The following PTPRG variants were observed in gnomAD, a reference collection of about 807,000 sequenced individuals.
The protein encoded by PTPRG is protein tyrosine phosphatase receptor type G, also known as receptor-type tyrosine-protein phosphatase gamma.
A neutral mutation model predicts 165.3 loss-of-function variants in PTPRG; 102 were observed. That is an observed-to-expected ratio of 0.62 (90% confidence interval 0.53 to 0.73). PTPRG has a LOEUF of 0.73. PTPRG is among the 30% of genes least tolerant of loss of function. The pLI, the probability that PTPRG is intolerant of heterozygous loss-of-function variation, is 0.00. For synonymous variants in PTPRG, 675 were observed against 669.5 expected, an observed-to-expected ratio of 1.01 and a Z score of -0.13; for missense variants, 1,866 against 1,861.4, an observed-to-expected ratio of 1.00 and a Z score of -0.05.
rs185771738 is a variant in PTPRG, at chr3:61,621,075, G to A, written c.85+58703G>A. ...TATGTGTGTGTGTGTGTGTGTGTGT[G>A]TGTATATTTATTTATCTGTTATGTT... is the stretch of plus-strand genomic sequence containing the variant. On this transcript the variant is annotated intron_variant, in intron 1 of 29. Transcript: ENST00000474889. Among the ~76,000 whole-genome samples the A allele has an allele frequency of 6.4e-3, 930 of 146,200 alleles. 15 individuals carry two copies. Among genetic ancestry groups the A allele is most frequent in the African/African-American group, 0.022 (863 of 39,252 alleles).
At chr3:61,978,915 A>T (rs1575844642) in intron 2 of PTPRG, among the ~76,000 whole-genome samples, 1 of 152,176 alleles carries the variant, frequency 6.6e-6, no homozygotes, top group East Asian at 1.9e-4. Context: ...TAGATCTGGA[A>T]TTGACTGTTT....
At chr3:61,990,774 T>C (rs2040866195) in intron 3 of PTPRG, among the ~76,000 whole-genome samples, 1 of 152,196 alleles carries the variant, frequency 6.6e-6, no homozygotes, top group South Asian at 2.1e-4. Flanking sequence ...TAACCAAGGA[T>C]GTCACTGTGA....
intron 5 of PTPRG, among the ~76,000 whole-genome samples, chr3:62,095,560 G>GC (rs1420721111): frequency 2.1e-4 from 32 of 152,316 alleles, no homozygotes; most frequent in African/African-American, 7.5e-4. Flanking sequence ...CAAGCACTGT[G>GC]CTAGGCACTG....
chr3:61,726,705 G>C (rs1022581065), intron 1 of PTPRG, among the ~76,000 whole-genome samples: 1 of 152,096 alleles, frequency 6.6e-6, no homozygotes, highest in African/African-American at 2.4e-5. Context: ...TTCTTTGTTG[G>C]ATTGACAGTT....
At chr3:61,667,137 A>G (rs976225448) in intron 1 of PTPRG, among the ~76,000 whole-genome samples, 5 of 152,222 alleles carry the variant, frequency 3.3e-5, no homozygotes, top group Non-Finnish European at 7.3e-5. Context: ...AATGGTCTCC[A>G]GTGACCCCAA....
Position 62,228,697 on chromosome 3 carries a change from A to C in PTPRG, c.2289-2528A>C, listed in dbSNP as rs1251653545. Among the ~76,000 whole-genome samples the C allele has an allele frequency of 6.6e-6, 1 of 152,172 alleles. No homozygotes were observed. Among genetic ancestry groups the C allele is most frequent in the Non-Finnish European group, 1.5e-5 (1 of 68,030 alleles). On this transcript the variant is annotated intron_variant, in intron 13 of 29. Coordinates refer to ENST00000474889, the MANE Select transcript of PTPRG (RefSeq NM_002841.4). The surrounding 1 kb of genome is among the most constrained non-coding windows in gnomAD (Gnocchi z 4.1). ...AAGTCCACTGTTAACGGGTAGAATC[A>C]GATTCTTTTCTGGAAGATTCTACAT...
intron 2 of PTPRG, among the ~76,000 whole-genome samples, chr3:61,757,473 T>C (rs2033668634): frequency 6.6e-6 from 1 of 152,156 alleles, no homozygotes. Context: ...CAAAAACCTT[T>C]TTGTCTCTTT....
Position 62,273,051 on chromosome 3 carries a change from G to A in PTPRG, c.3288G>A (p.Arg1096=), listed in dbSNP as rs369150727. 9.9e-6 allele frequency: 16 copies of A among 1,613,516 alleles called. No homozygotes were observed. The Admixed American group carries it at 1.5e-4, about 15-fold the overall frequency. Residue 1096 remains arginine (R), a synonymous_variant, in exon 22 of 30, where the codon AGG becomes AGA. Transcript: ENST00000474889. This position sits in a 1 kb window ranked among gnomAD's most constrained non-coding sequence, Gnocchi z 4.1. ...VNVLGFLKHI[R]TQRNYLVQTE... is the part of the protein sequence containing the mutation. ...TCCTGGGATTCCTGAAGCATATCAGGACACAGCGTAACTACCTCGTCCAGA... is the reference window on the plus strand; with the variant it reads ...TCCTGGGATTCCTGAAGCATATCAGAACACAGCGTAACTACCTCGTCCAGA...
intron 1 of PTPRG, among the ~76,000 whole-genome samples, chr3:61,571,900 G>A (rs1465737668): frequency 6.6e-6 from 1 of 152,238 alleles, no homozygotes; most frequent in East Asian, 1.9e-4. Flanking sequence ...AGCCAAACCA[G>A]CTGTGGGATC....
intron 8 of PTPRG, among the ~76,000 whole-genome samples, chr3:62,170,788 AT>A: frequency 6.6e-6 from 1 of 152,110 alleles, no homozygotes; most frequent in African/African-American, 2.4e-5. Flanking sequence ...TGTTTAACTT[AT>A]TATTGGAGAG....
At chr3:61,912,216 A>G (rs1199337237) in intron 2 of PTPRG, among the ~76,000 whole-genome samples, 1 of 152,006 alleles carries the variant, frequency 6.6e-6, no homozygotes, top group Non-Finnish European at 1.5e-5. Flanking sequence ...CCCCTTCTTT[A>G]TATATAATTT....
At chr3:62,148,365 C>A (rs1576063916) in intron 6 of PTPRG, among the ~76,000 whole-genome samples, 1 of 152,084 alleles carries the variant, frequency 6.6e-6, no homozygotes, top group South Asian at 2.1e-4. Flanking sequence ...TCATGTCGGG[C>A]CCCATGGCCA....
intron 1 of PTPRG, among the ~76,000 whole-genome samples, chr3:61,705,232 G>T (rs941193916): frequency 3.9e-5 from 6 of 152,200 alleles, no homozygotes; most frequent in Non-Finnish European, 8.8e-5. Flanking sequence ...AGATGCCTGC[G>T]CTGGGTGTGA....
At chr3:61,679,722 A>T (rs1293292357) in intron 1 of PTPRG, among the ~76,000 whole-genome samples, 1 of 152,152 alleles carries the variant, frequency 6.6e-6, no homozygotes, top group African/African-American at 2.4e-5. Flanking sequence ...TAGAAGTTGC[A>T]GTGAGCTGAG....
At chr3:61,703,188 T>A (rs1413811296) in intron 1 of PTPRG, among the ~76,000 whole-genome samples, 1 of 152,102 alleles carries the variant, frequency 6.6e-6, no homozygotes, top group Non-Finnish European at 1.5e-5. Flanking sequence ...TTCAGTGGAC[T>A]GGCACTTTAA....
intron 2 of PTPRG, among the ~76,000 whole-genome samples, chr3:61,977,048 C>G (rs1284773790): frequency 6.6e-6 from 1 of 152,046 alleles, no homozygotes; most frequent in Non-Finnish European, 1.5e-5. Context: ...TGCCTATCTC[C>G]CTAGGAGTCT....
intron 12 of PTPRG, among the ~76,000 whole-genome samples, chr3:62,216,161 T>C (rs1226192193): frequency 1.3e-5 from 2 of 148,798 alleles, no homozygotes; most frequent in Non-Finnish European, 1.5e-5. Flanking sequence ...GAGGTTGCAG[T>C]GAGCCGAGAT....
chr3:61,713,960 G>A (rs774640171), intron 1 of PTPRG, among the ~76,000 whole-genome samples: 14 of 152,156 alleles, frequency 9.2e-5, no homozygotes, highest in African/African-American at 2.4e-4. Flanking sequence ...CGATAATGCC[G>A]TATTTTAAAA....
At chr3:61,845,449 TGTC>T (rs1469066021) in intron 2 of PTPRG, among the ~76,000 whole-genome samples, 62 of 152,330 alleles carry the variant, frequency 4.1e-4, no homozygotes, top group African/African-American at 1.4e-3. Context: ...ACTGGGAAGA[TGTC>T]TATTGATCCT....
Sources: gnomAD v4.1 joint callset for allele counts (sites outside exome capture counted in the v4.1 genomes callset) on GRCh38, gnomAD v4.1.1 for gene constraint, Gnocchi (gnomAD v3.1) non-coding constraint, MANE v1.5 for transcripts, NCBI Gene and HGNC (gene_info 2026-07-23, HGNC 2026-07-21) for gene names.